Variants in XIRP2 observed in about 807,000 individuals in gnomAD.
XIRP2 encodes the protein xin actin-binding repeat-containing protein 2.
A neutral mutation model predicts 277.0 loss-of-function variants in XIRP2; 236 were observed. The observed-to-expected ratio is 0.85, with a 90% confidence interval of 0.77 to 0.95. The LOEUF (loss-of-function observed/expected upper bound fraction) is 0.95. Ranked by LOEUF, XIRP2 falls within the 40% of genes least tolerant of loss-of-function variation. The pLI, the probability that XIRP2 is intolerant of heterozygous loss-of-function variation, is 0.00. For missense variants in XIRP2, 4,640 were observed against 4,157.5 expected (o/e 1.12, Z -3.19); for synonymous variants, 1,490 against 1,416.5 (o/e 1.05, Z -1.17).
rs770926047 is a variant in XIRP2 at position 167,247,712 on chromosome 2, A to T, written c.6320A>T (p.Lys2107Met). The T allele has an allele frequency of 6.2e-7, 1 of 1,613,700 alleles. No homozygotes were observed. Among genetic ancestry groups the T allele is most frequent in the Non-Finnish European group, 8.5e-7 (1 of 1,179,760 alleles). Reference protein sequence around the residue: ...ESDRAVRELKKDDVFNSIQSA... With the variant: ...ESDRAVRELKMDDVFNSIQSA... ...GACAGGGCAGTGAGAGAGCTGAAGA[A>T]GGATGATGTCTTTAATTCCATCCAA... Residue 2107 changes from lysine (K) to methionine (M), a missense_variant, in exon 9 of 11, where the codon AAG becomes ATG. Transcript: ENST00000409195.
chr2:167,175,485 T>C lies in XIRP2; in HGVS notation c.563-35250T>C, dbSNP rs1692813921. ...GTGGAGGCTGCAGAACAGCAGAGAT[T>C]GCTGCCTGTTCCTTCCTCTGGAAGC... is the stretch of plus-strand genomic sequence containing the variant. On this transcript the variant is annotated intron_variant, in intron 3 of 10. Transcript: ENST00000409195. Among the ~76,000 whole-genome samples the C allele has an allele frequency of 2.6e-5, 4 of 152,142 alleles. No homozygotes were observed. In the South Asian group the frequency reaches 8.3e-4, roughly 31 times the overall value.
chr2:166,958,426 T>C (rs1686221960), intron 2 of XIRP2, among the ~76,000 whole-genome samples: 1 of 151,800 alleles, frequency 6.6e-6, no homozygotes, highest in Admixed American at 6.6e-5. Context: ...GTTTTCCTCA[T>C]ATGAACAACA....
intron 2 of XIRP2, among the ~76,000 whole-genome samples, chr2:167,100,383 A>C (rs1690455321): frequency 6.6e-6 from 1 of 152,208 alleles, no homozygotes; most frequent in Non-Finnish European, 1.5e-5. Flanking sequence ...TATATGAATA[A>C]TAAATAATGT....
At chr2:167,095,484 T>C (rs150299278) in intron 2 of XIRP2, among the ~76,000 whole-genome samples, 50 of 152,326 alleles carry the variant, frequency 3.3e-4, no homozygotes, top group African/African-American at 9.1e-4. Flanking sequence ...TTGAGATACA[T>C]TTCATCAATA....
chr2:167,069,376 A>T (rs1689382189), intron 2 of XIRP2, among the ~76,000 whole-genome samples: 1 of 152,160 alleles, frequency 6.6e-6, no homozygotes, highest in Admixed American at 6.5e-5. Context: ...GACTGTGCTG[A>T]GTTGAACCCC....
In XIRP2 at chr2:167,251,397, A is replaced by G; in HGVS notation, c.10005A>G (p.Arg3335=). Residue 3335 remains arginine (R), a synonymous_variant, in exon 9 of 11, where the codon AGA becomes AGG. Transcript: ENST00000409195. ...ATGACCCTGAAAATGAAATAAACAG[A>G]TGGTTCAGGGAATTTGAGCATGGCC... The part of the protein sequence containing the change: ...FVNDPENEIN[R]WFREFEHGPV... 2 of 1,613,660 alleles carry G rather than the reference A, an allele frequency of 1.2e-6. No homozygotes were observed. Among genetic ancestry groups the G allele is most frequent in the Non-Finnish European group, 1.7e-6 (2 of 1,179,686 alleles).
rs760396875 is a variant in XIRP2, at chr2:167,250,640, A to G, written c.9248A>G (p.Gln3083Arg). 1 of 1,613,618 alleles carries G rather than the reference A, an allele frequency of 6.2e-7. No individual in the cohort carries two copies. The highest frequency in any genetic ancestry group is 8.5e-7 in the Non-Finnish European group (1 of 1,179,726). The stretch of plus-strand genomic sequence containing the variant: ...GCCAAAGAGAAAACAGTACAGCACC[A>G]AGTAGCAGCTCATCATGAAGCAACT... ...KIAKEKTVQH[Q>R]VAAHHEATVR... Residue 3083 changes from glutamine (Q) to arginine (R), a missense_variant, in exon 9 of 11, where the codon CAA becomes CGA. Physicochemically the swap from Gln to Arg is conservative, Grantham distance 43. Transcript: ENST00000409195.
chr2:167,072,331 T>G (rs548852944), intron 2 of XIRP2, among the ~76,000 whole-genome samples: 2 of 152,250 alleles, frequency 1.3e-5, no homozygotes, highest in Admixed American at 1.3e-4. Flanking sequence ...AAGCAAAAAT[T>G]TTAACCATAT....
At chr2:167,087,932 A>G (rs533506487) in intron 2 of XIRP2, among the ~76,000 whole-genome samples, 5 of 152,246 alleles carry the variant, frequency 3.3e-5, no homozygotes, top group East Asian at 1.9e-4. Context: ...GCTGTAGACC[A>G]GAGCTGTTCC....
At chr2:167,252,018 T>A in intron 9 of XIRP2, 71 bp downstream of exon 9, 2 of 1,504,104 alleles carry the variant, frequency 1.3e-6, no homozygotes, top group South Asian at 2.8e-5. Context: ...CAAAATGATG[T>A]ACAGTTAAAA....
Position 167,157,961 on chromosome 2 carries a change from TCTC to T in XIRP2, c.562+21901_562+21903del, listed in dbSNP as rs1337517604. Among the ~76,000 whole-genome samples, 16 of 152,256 alleles carry T rather than the reference TCTC, an allele frequency of 1.1e-4. No individual in the cohort carries two copies. In the East Asian group the frequency reaches 3.1e-3, roughly 29 times the overall value. On this transcript the variant is annotated intron_variant, in intron 3 of 10. Coordinates refer to ENST00000409195, the MANE Select transcript of XIRP2 (RefSeq NM_152381.6). Reference sequence around the variant, plus strand: ...AAAAGTCTATGACAGCTGTTCCTCTTCTCCACTGAAAATAAAAGGCATTAAATA... The same window carrying T: ...AAAAGTCTATGACAGCTGTTCCTCTTCACTGAAAATAAAAGGCATTAAATA...
intron 2 of XIRP2, among the ~76,000 whole-genome samples, chr2:166,945,648 T>C (rs1279826937): frequency 3.3e-5 from 5 of 150,844 alleles, no homozygotes; most frequent in Non-Finnish European, 5.9e-5. Context: ...ATGGCACTGC[T>C]TTACTAAGAT....
intron 3 of XIRP2, among the ~76,000 whole-genome samples, chr2:167,164,188 C>A (rs990545669): frequency 6.6e-6 from 1 of 152,108 alleles, no homozygotes; most frequent in African/African-American, 2.4e-5. Context: ...CGCCTGTAAT[C>A]CCGGCACTTT....
At chr2:167,054,798 C>A (rs1319368814) in intron 2 of XIRP2, among the ~76,000 whole-genome samples, 1 of 152,138 alleles carries the variant, frequency 6.6e-6, no homozygotes, top group Non-Finnish European at 1.5e-5. Flanking sequence ...ATCCTAGAGC[C>A]ATTTGAAAAT....
chr2:167,249,394 C>A lies in XIRP2; in HGVS notation c.8002C>A (p.Gln2668Lys). The change falls in exon 9 of 11, where the codon CAA becomes AAA. Residue 2668 changes from glutamine to lysine, a missense_variant. Physicochemically the swap from Gln to Lys is moderately conservative, Grantham distance 53. Transcript: ENST00000409195. ...EVLQSSRDIM[Q>K]SKSACEIKQS... ...TTTACAAAGCTCAAGGGACATTATG[C>A]AATCCAAATCAGCTTGCGAAATTAA... is the stretch of plus-strand genomic sequence containing the variant. The A allele has an allele frequency of 6.2e-7, 1 of 1,613,692 alleles. No individual in the cohort carries two copies. The highest frequency in any genetic ancestry group is 8.5e-7 in the Non-Finnish European group (1 of 1,179,798).
intron 2 of XIRP2, among the ~76,000 whole-genome samples, chr2:166,927,251 G>A (rs1031812825): frequency 3.3e-5 from 5 of 152,020 alleles, no homozygotes; most frequent in African/African-American, 1.2e-4. Context: ...AGGTTCATCA[G>A]GCCAACTTCC....
At chr2:167,142,968 G>GAT (rs1691764462) in intron 3 of XIRP2, among the ~76,000 whole-genome samples, 1 of 152,008 alleles carries the variant, frequency 6.6e-6, no homozygotes, top group Admixed American at 6.6e-5. Context: ...AAGGGAGAGA[G>GAT]AAAAAGATGG....
intron 2 of XIRP2, among the ~76,000 whole-genome samples, chr2:166,973,068 C>G (rs1686620116): frequency 6.6e-6 from 1 of 152,114 alleles, no homozygotes; most frequent in Non-Finnish European, 1.5e-5. Context: ...GTAAATCTGG[C>G]TTGAATCGTT....
chr2:167,196,417 T>TGC (rs1426997574), intron 3 of XIRP2, among the ~76,000 whole-genome samples: 1 of 102,298 alleles, frequency 9.8e-6, no homozygotes, highest in Non-Finnish European at 2.1e-5. Context: ...GAATTTTGTG[T>TGC]GTGTGTGTGT....
Sources: gnomAD v4.1 joint callset for allele counts (sites outside exome capture counted in the v4.1 genomes callset) on GRCh38, gnomAD v4.1.1 for gene constraint, MANE v1.5 for transcripts, NCBI Gene and HGNC (gene_info 2026-07-23, HGNC 2026-07-21) for gene names.